Variants in NRG1 observed in about 807,000 individuals in gnomAD.
NRG1 encodes the protein neuregulin 1.
Under a neutral mutation model 63.8 loss-of-function variants are expected in NRG1, and 18 were observed. The ratio of observed to expected loss-of-function variants is 0.28; its 90% CI spans 0.19 to 0.42. The LOEUF (loss-of-function observed/expected upper bound fraction) is 0.42, where lower values mean the gene tolerates loss of function less well. NRG1 is among the 10% of genes least tolerant of loss of function. The pLI is 1.00. For synonymous variants in NRG1, 302 were observed against 301.3 expected, an observed-to-expected ratio of 1.00 and a Z score of -0.02; for missense variants, 762 against 814.7, an observed-to-expected ratio of 0.94 and a Z score of 0.79.
intron 1 of NRG1, among the ~76,000 whole-genome samples, chr8:32,058,431 A>G (rs75788420): frequency 0.021 from 3,167 of 152,176 alleles, 39 homozygotes; most frequent in South Asian, 0.039. Flanking sequence ...ACACAAATAC[A>G]TATTTACTTC....
intron 1 of NRG1, among the ~76,000 whole-genome samples, chr8:32,268,417 G>T (rs964229086): frequency 6.6e-6 from 1 of 152,196 alleles, no homozygotes; most frequent in African/African-American, 2.4e-5. Flanking sequence ...AATTGGATTT[G>T]TTTTCCAGTG....
chr8:32,767,400 GC>G (rs1350475421), exon 12 of NRG1: 2 of 152,174 alleles, frequency 1.3e-5, no homozygotes, highest in Non-Finnish European at 2.9e-5. Context: ...AATAATACTG[GC>G]TGCATTCCAC....
chr8:32,160,799 C>T (rs940601518), intron 1 of NRG1, among the ~76,000 whole-genome samples: 6 of 152,016 alleles, frequency 3.9e-5, no homozygotes, highest in Non-Finnish European at 8.8e-5. Flanking sequence ...GACTTTTATC[C>T]CCCTGATTTT....
intron 1 of NRG1, among the ~76,000 whole-genome samples, chr8:31,920,938 A>G (rs2129618576): frequency 6.6e-6 from 1 of 152,134 alleles, no homozygotes; most frequent in South Asian, 2.1e-4. Flanking sequence ...AAAAACCTAT[A>G]CCTGAAAACA....
chr8:31,855,694 T>A lies in NRG1; in HGVS notation c.37+216263T>A, dbSNP rs543276297. Reference sequence around the variant, plus strand: ...TTATTTTGCTCCTTAGTTGATGCAGTTTCTTCCTAGTATCGATGGTCTTTA... The same window carrying A: ...TTATTTTGCTCCTTAGTTGATGCAGATTCTTCCTAGTATCGATGGTCTTTA... On this transcript the variant is annotated intron_variant, in intron 1 of 10. Transcript: ENST00000519301. Among the ~76,000 whole-genome samples the A allele has an allele frequency of 2.6e-5, 4 of 152,336 alleles. No individual in the cohort carries two copies. The East Asian group carries it at 7.7e-4, about 29-fold the overall frequency.
At chr8:32,429,971 T>C (rs916179574) in intron 1 of NRG1, among the ~76,000 whole-genome samples, 5 of 152,192 alleles carry the variant, frequency 3.3e-5, no homozygotes, top group Non-Finnish European at 7.3e-5. Context: ...TTCAAAAAGG[T>C]TAAACCTGAA....
chr8:32,039,620 TAAAC>T (rs898772421), intron 1 of NRG1, among the ~76,000 whole-genome samples: 6 of 152,184 alleles, frequency 3.9e-5, no homozygotes, highest in Non-Finnish European at 7.4e-5. Flanking sequence ...TGTCAGAAAT[TAAAC>T]AAACTTTTAA....
intron 1 of NRG1, among the ~76,000 whole-genome samples, chr8:32,014,304 T>C (rs1815176463): frequency 6.6e-6 from 1 of 152,188 alleles, no homozygotes; most frequent in Admixed American, 6.5e-5. Context: ...TATTTTATTC[T>C]CTTTGAAGCA....
chr8:32,714,774 A>G (rs1818743002), intron 5 of NRG1, among the ~76,000 whole-genome samples: 1 of 152,166 alleles, frequency 6.6e-6, no homozygotes, highest in Non-Finnish European at 1.5e-5. Context: ...GCGCATGCAC[A>G]CACACACAAA....
chr8:32,279,700 T>C (rs1323986876), intron 1 of NRG1, among the ~76,000 whole-genome samples: 1 of 152,136 alleles, frequency 6.6e-6, no homozygotes, highest in Non-Finnish European at 1.5e-5. Context: ...TGTTAGTAAG[T>C]GGTAGAGGTA....
In NRG1 at chr8:31,809,247, T is replaced by G. The variant is rs73592003; in HGVS notation, c.37+169816T>G. On this transcript the variant is annotated intron_variant, in intron 1 of 10. Coordinates refer to the NRG1 transcript ENST00000519301. ...ATCAAAATATGTCTAAGTGCTGGTC[T>G]TGTTTAGTAATCTTGTATACCTCAG... 7.3e-4 allele frequency among the ~76,000 whole-genome samples: 110 copies of G among 151,362 alleles called. 1 individual carries two copies. Among genetic ancestry groups the G allele is most frequent in the African/African-American group, 2.6e-3 (108 of 41,414 alleles).
chr8:31,848,921 A>C (rs1271306587), intron 1 of NRG1, among the ~76,000 whole-genome samples: 1 of 152,228 alleles, frequency 6.6e-6, no homozygotes, highest in Admixed American at 6.5e-5. Context: ...AATGCACTTA[A>C]ATCATCTCCA....
chr8:32,218,795 G>A (rs1293485993), intron 1 of NRG1, among the ~76,000 whole-genome samples: 2 of 152,198 alleles, frequency 1.3e-5, no homozygotes, highest in Non-Finnish European at 2.9e-5. Flanking sequence ...GTTAGAGGAT[G>A]CCAAATGAGC....
chr8:32,514,886 T>C (rs558361904), intron 1 of NRG1, among the ~76,000 whole-genome samples: 35 of 152,250 alleles, frequency 2.3e-4, no homozygotes, highest in African/African-American at 6.3e-4. Context: ...TACACAAATA[T>C]ATTGCATAAT....
In NRG1 at chr8:32,009,178, T is replaced by C. The variant is rs147364474; in HGVS notation, c.37+369747T>C. Among the ~76,000 whole-genome samples, 396 of 152,222 alleles carry C rather than the reference T, an allele frequency of 2.6e-3. 3 individuals are homozygous for C. The highest frequency in any genetic ancestry group is 8.9e-3 in the African/African-American group (368 of 41,562). ...TTGTGTTGTATAATATGACCGTATA[T>C]GATCCCAGTAGTTGTGTGGAACTTG... is the stretch of plus-strand genomic sequence containing the variant. On this transcript the variant is annotated intron_variant, in intron 1 of 10. Transcript: ENST00000519301.
chr8:31,922,794 T>C (rs1834021507), intron 1 of NRG1, among the ~76,000 whole-genome samples: 1 of 152,128 alleles, frequency 6.6e-6, no homozygotes, highest in Admixed American at 6.5e-5. Context: ...TGAAAGTCTA[T>C]TATGTGCCAG....
At chr8:32,609,299 C>G (rs905911478) in intron 3 of NRG1, among the ~76,000 whole-genome samples, 1 of 152,160 alleles carries the variant, frequency 6.6e-6, no homozygotes, top group Non-Finnish European at 1.5e-5. Context: ...CTGTTCAATG[C>G]TTGGTTGTCA....
intron 1 of NRG1, among the ~76,000 whole-genome samples, chr8:31,813,913 T>A (rs1162038569): frequency 6.6e-6 from 1 of 152,176 alleles, no homozygotes; most frequent in East Asian, 1.9e-4. Context: ...TTATGCCTCA[T>A]CATTCATTTC....
At chr8:32,388,421 C>T (rs1336297838) in intron 1 of NRG1, among the ~76,000 whole-genome samples, 1 of 152,130 alleles carries the variant, frequency 6.6e-6, no homozygotes, top group East Asian at 1.9e-4. Context: ...ATTCTCGAAA[C>T]CTGGAACTAT....
Sources: gnomAD v4.1 joint callset for allele counts (sites outside exome capture counted in the v4.1 genomes callset) on GRCh38, gnomAD v4.1.1 for gene constraint, MANE v1.5 for transcripts, NCBI Gene and HGNC (gene_info 2026-07-23, HGNC 2026-07-21) for gene names.